ST6GALNAC5: variants seen among roughly 807,000 people sequenced by gnomAD.
The protein encoded by ST6GALNAC5 is ST6 N-acetylgalactosaminide alpha-2,6-sialyltransferase 5.
Under a neutral mutation model 33.6 loss-of-function variants are expected in ST6GALNAC5, and 27 were observed. That is an observed-to-expected ratio of 0.80 (90% CI 0.59 to 1.11). ST6GALNAC5 has a LOEUF of 1.11. ST6GALNAC5 is among the 50% of genes least tolerant of loss of function. The pLI is 0.00. For missense variants in ST6GALNAC5, 428 were observed against 454.0 expected, an observed-to-expected ratio of 0.94 and a Z score of 0.52; for synonymous variants, 194 against 171.2, an observed-to-expected ratio of 1.13 and a Z score of -1.04.
chr1:76,876,854 C>A (rs1432020338), intron 2 of ST6GALNAC5, among the ~76,000 whole-genome samples: 2 of 152,162 alleles, frequency 1.3e-5, no homozygotes, highest in Non-Finnish European at 2.9e-5. Context: ...TCTCTGTCAA[C>A]TGATCATAGG....
rs1652670765 is a variant in ST6GALNAC5, at chr1:77,063,551, TTA to T, written c.*348_*349del. ...ACTCAACAATATTAGTTGCATTCCT[TTA>T]TAGACATACCATGTCAAAGACGTTT... On this transcript the variant is annotated 3_prime_UTR_variant, in exon 5 of 5. Transcript: ENST00000477717. The T allele has an allele frequency of 9.6e-5, 26 of 271,834 alleles. No homozygotes were observed. The South Asian group carries it at 1.4e-3, about 15-fold the overall frequency. 16.8% of individuals were successfully genotyped at this position (271,834 alleles called of 1,614,324 possible).
chr1:77,006,908 T>C (rs1650441542), intron 2 of ST6GALNAC5, among the ~76,000 whole-genome samples: 1 of 152,198 alleles, frequency 6.6e-6, no homozygotes. Flanking sequence ...AGTGGTTGCT[T>C]GGCTATAGGC....
At chr1:77,031,242 T>C (rs928235311) in intron 2 of ST6GALNAC5, among the ~76,000 whole-genome samples, 2 of 152,238 alleles carry the variant, frequency 1.3e-5, no homozygotes, top group African/African-American at 2.4e-5. Context: ...ATTTAGCTAA[T>C]GGCTGCCTAG....
chr1:76,934,551 T>TA (rs1233910875), intron 2 of ST6GALNAC5, among the ~76,000 whole-genome samples: 3 of 152,076 alleles, frequency 2.0e-5, no homozygotes, highest in Non-Finnish European at 4.4e-5. Context: ...TTGTCTGCGA[T>TA]AAAATCCCCG....
chr1:77,029,583 C>G (rs377205110), intron 2 of ST6GALNAC5, among the ~76,000 whole-genome samples: 2 of 152,186 alleles, frequency 1.3e-5, no homozygotes, highest in African/African-American at 4.8e-5. Context: ...GGACTAGAAA[C>G]GAAGTCCCTG....
chr1:76,901,256 G>A (rs1040686664), intron 2 of ST6GALNAC5, among the ~76,000 whole-genome samples: 7 of 152,166 alleles, frequency 4.6e-5, no homozygotes, highest in African/African-American at 2.4e-5. Context: ...TGTATTTTCC[G>A]TACATTGAAA....
intron 2 of ST6GALNAC5, among the ~76,000 whole-genome samples, chr1:76,909,182 A>G (rs1570661624): frequency 6.6e-6 from 1 of 152,118 alleles, no homozygotes; most frequent in Admixed American, 6.6e-5. Context: ...GGCAGTGACC[A>G]TGTGTTATTC....
intron 2 of ST6GALNAC5, among the ~76,000 whole-genome samples, chr1:76,987,944 C>T (rs532601651): frequency 4.6e-5 from 7 of 152,070 alleles, no homozygotes; most frequent in Admixed American, 1.3e-4. Context: ...AAGTTTTCTT[C>T]GATTAGTCCC....
rs992713892 is a variant in ST6GALNAC5, at chr1:76,992,385, C to A, written c.262-51819C>A. On this transcript the variant is annotated intron_variant, in intron 2 of 4. Transcript: ENST00000477717. Reference sequence around the variant, plus strand: ...GGTTCTCAGTGTCTTCCTCCTATAGCACCAAAGGGCCTTCCAGAGGCCTTC... The same window carrying A: ...GGTTCTCAGTGTCTTCCTCCTATAGAACCAAAGGGCCTTCCAGAGGCCTTC... Among the ~76,000 whole-genome samples the A allele has an allele frequency of 3.9e-5, 6 of 152,330 alleles. No individual in the cohort carries two copies. In the East Asian group the frequency reaches 9.7e-4, roughly 25 times the overall value.
At chr1:76,949,580 C>G (rs1226733678) in intron 2 of ST6GALNAC5, among the ~76,000 whole-genome samples, 1 of 152,068 alleles carries the variant, frequency 6.6e-6, no homozygotes, top group East Asian at 1.9e-4. Flanking sequence ...TAGACAAGGG[C>G]TCTTTCAGCT....
At chr1:76,935,350 G>A (rs532096224) in intron 2 of ST6GALNAC5, among the ~76,000 whole-genome samples, 1 of 152,108 alleles carries the variant, frequency 6.6e-6, no homozygotes, top group South Asian at 2.1e-4. Context: ...GTTATCCCTT[G>A]TGCAGAATTC....
chr1:77,006,093 A>G (rs534571577), intron 2 of ST6GALNAC5, among the ~76,000 whole-genome samples: 154 of 152,134 alleles, frequency 1.0e-3, no homozygotes, highest in Non-Finnish European at 1.3e-3. Context: ...TGGTAACTCT[A>G]TGTTTAATTT....
At chr1:76,877,086 G>A (rs1320499285) in intron 2 of ST6GALNAC5, among the ~76,000 whole-genome samples, 2 of 152,178 alleles carry the variant, frequency 1.3e-5, no homozygotes, top group South Asian at 2.1e-4. Flanking sequence ...TTCATGATAG[G>A]CAATTCAGTT....
intron 2 of ST6GALNAC5, among the ~76,000 whole-genome samples, chr1:77,040,445 T>C (rs199697): frequency 0.23 from 34,890 of 152,160 alleles, 4,960 homozygotes; most frequent in African/African-American, 0.4. Flanking sequence ...AGGGTGGCTT[T>C]TGGGGACTGG....
intron 2 of ST6GALNAC5, among the ~76,000 whole-genome samples, chr1:76,980,042 T>G (rs1649187297): frequency 6.6e-6 from 1 of 152,168 alleles, no homozygotes; most frequent in Non-Finnish European, 1.5e-5. Flanking sequence ...ATCTTTTTAA[T>G]AAGACCTAAG....
rs1438479163 is a variant in ST6GALNAC5 at position 77,044,230 on chromosome 1, T to C, written c.288T>C (p.Cys96=). ...CCCTGAAAATGCACTGCAGGGACTG[T>C]GCCCTGGTGACCAGCTCAGGGCATC... ...HKPLKMHCRD[C]ALVTSSGHLL... The change falls in exon 3 of 5, where the codon TGT becomes TGC. Residue 96 remains cysteine (C), a synonymous_variant. Transcript: ENST00000477717. 1 of 1,612,148 alleles carries C rather than the reference T, an allele frequency of 6.2e-7. No homozygotes were observed. Among genetic ancestry groups the C allele is most frequent in the Admixed American group, 1.7e-5 (1 of 59,948 alleles).
intron 2 of ST6GALNAC5, among the ~76,000 whole-genome samples, chr1:76,947,770 C>T (rs547000336): frequency 4.6e-5 from 7 of 151,972 alleles, no homozygotes; most frequent in Non-Finnish European, 7.4e-5. Context: ...AATAATAAGA[C>T]GTTGGGAAAC....
chr1:76,942,867 C>T (rs892037875), intron 2 of ST6GALNAC5, among the ~76,000 whole-genome samples: 2 of 152,050 alleles, frequency 1.3e-5, no homozygotes, highest in African/African-American at 2.4e-5. Context: ...GAACTTGACT[C>T]GACATCCACA....
At chr1:76,873,727 G>A (rs1179457930) in intron 2 of ST6GALNAC5, among the ~76,000 whole-genome samples, 1 of 152,236 alleles carries the variant, frequency 6.6e-6, no homozygotes, top group African/African-American at 2.4e-5. Context: ...AGGGGTCCAT[G>A]TTTAATAAGC....
Sources: gnomAD v4.1 joint callset for allele counts (sites outside exome capture counted in the v4.1 genomes callset) on GRCh38, gnomAD v4.1.1 for gene constraint, MANE v1.5 for transcripts, NCBI Gene and HGNC (gene_info 2026-07-23, HGNC 2026-07-21) for gene names.